SEMA3B: variants seen among roughly 807,000 people sequenced by gnomAD.
SEMA3B encodes semaphorin-3B.
Under a neutral mutation model 77.8 loss-of-function variants are expected in SEMA3B, and 71 were observed. The observed-to-expected ratio is 0.91, with a 90% confidence interval of 0.75 to 1.11. The LOEUF (loss-of-function observed/expected upper bound fraction) is 1.11, where lower values mean the gene tolerates loss of function less well. SEMA3B is among the 50% of genes most tolerant of loss of function. SEMA3B has a pLI of 0.00. For missense variants in SEMA3B, 968 were observed against 1,056.8 expected (o/e 0.92, Z 1.17); for synonymous variants, 470 against 452.9 (o/e 1.04, Z -0.48).
chr3:50,270,695 C>T lies in SEMA3B; in HGVS notation c.331-195C>T. On this transcript the variant is annotated intron_variant, in intron 3 of 16. Coordinates refer to ENST00000616701, the MANE Select transcript of SEMA3B (RefSeq NM_001290060.2). This position sits in a 1 kb window ranked among gnomAD's most constrained non-coding sequence, Gnocchi z 4.7. ...TGCCTCTGAGTCATGGGAGGCTTTG[C>T]AGGCCTGTGCTTCCCCAGACACCCA... The T allele has an allele frequency of 8.6e-7, 1 of 1,160,018 alleles. No homozygotes were observed. The highest frequency in any genetic ancestry group is 1.2e-6 in the Non-Finnish European group (1 of 835,134). The allele number at this position is 1,160,018 out of a possible 1,614,324, so 71.9% of individuals were successfully genotyped here.
At position 50,273,134 on chromosome 3, in the gene SEMA3B, C is replaced by T. The variant is rs1341172606; in HGVS notation, c.665-164C>T. 9 of 1,126,412 alleles carry T rather than the reference C, an allele frequency of 8.0e-6. No homozygotes were observed. In the East Asian group the frequency reaches 1.9e-4, roughly 23 times the overall value. 69.8% of individuals were successfully genotyped at this position (1,126,412 alleles called of 1,614,324 possible). A position where few individuals can be genotyped will look rare whatever the true frequency, so the allele number is the denominator to read the frequency against. ...CTCGCAGGCCCTGATCCTTTGGATT[C>T]GGTCCGCGCAGAGCGCCAACTGGAC... is the stretch of plus-strand genomic sequence containing the variant. On this transcript the variant is annotated intron_variant, in intron 6 of 16. Transcript: ENST00000616701. This position sits in a 1 kb window ranked among gnomAD's most constrained non-coding sequence, Gnocchi z 6.5.
chr3:50,274,304 C>A lies in SEMA3B; in HGVS notation c.1138-59C>A. ...GTTCCCAGAGGCTGGGCATGGAGGGCTGCCTATCAAGCCCCCATATCTATA... is the reference window on the plus strand; with the variant it reads ...GTTCCCAGAGGCTGGGCATGGAGGGATGCCTATCAAGCCCCCATATCTATA... On this transcript the variant is annotated intron_variant, in intron 10 of 16. Coordinates refer to ENST00000616701, the MANE Select transcript of SEMA3B (RefSeq NM_001290060.2). The surrounding 1 kb of genome is among the most constrained non-coding windows in gnomAD (Gnocchi z 4.7). 3 of 1,344,120 alleles carry A rather than the reference C, an allele frequency of 2.2e-6. No homozygotes were observed. The highest frequency in any genetic ancestry group is 3.0e-6 in the Non-Finnish European group (3 of 987,824). The allele number at this position is 1,344,120 out of a possible 1,614,324, so 83.3% of individuals were successfully genotyped here. A position where few individuals can be genotyped will look rare whatever the true frequency, so the allele number is the denominator to read the frequency against.
Position 50,275,839 on chromosome 3 carries a change from A to T in SEMA3B, c.1840A>T (p.Thr614Ser). 1 of 1,599,438 alleles carries T rather than the reference A, an allele frequency of 6.3e-7. No homozygotes were observed. The highest frequency in any genetic ancestry group is 1.1e-5 in the South Asian group (1 of 89,920). The change falls in exon 16 of 17, where the codon ACC (threonine) becomes TCC (serine). Residue 614 changes from threonine to serine, a missense_variant. Thr to Ser is a moderately conservative substitution (Grantham distance 58). Coordinates refer to ENST00000616701, the MANE Select transcript of SEMA3B (RefSeq NM_001290060.2). The surrounding 1 kb of genome is among the most constrained non-coding windows in gnomAD (Gnocchi z 7.5). ...TFQRAGVTAH[T>S]QVLAEERTER... ...CCAGCGCGCAGGGGTGACAGCCCAC[A>T]CCCAGGTGAGCCTTACTCCGCCCTC...
At position 50,270,189 on chromosome 3, in the gene SEMA3B, T is replaced by C; in HGVS notation, c.172T>C (p.Leu58=). The change falls in exon 2 of 17, where the codon TTG becomes CTG. Residue 58 remains leucine, a synonymous_variant. Coordinates refer to ENST00000616701, the MANE Select transcript of SEMA3B (RefSeq NM_001290060.2). The surrounding 1 kb of genome is among the most constrained non-coding windows in gnomAD (Gnocchi z 4.7). ...SLERTCCYQA[L]LVDEERGRLF... is the part of the protein sequence containing the mutation. ...GGAGCGAACCTGCTGCTACCAGGCCTTGCTGGTGGATGAGGAGCGTGGACG... is the reference window on the plus strand; with the variant it reads ...GGAGCGAACCTGCTGCTACCAGGCCCTGCTGGTGGATGAGGAGCGTGGACG... 6.2e-7 allele frequency: 1 copy of C among 1,600,382 alleles called. No homozygotes were observed. Among genetic ancestry groups the C allele is most frequent in the Non-Finnish European group, 8.5e-7 (1 of 1,174,394 alleles).
rs1293825924 is a variant in SEMA3B, at chr3:50,276,087, C to G, written c.1846-215C>G. 3 of 785,702 alleles carry G rather than the reference C, an allele frequency of 3.8e-6. No individual in the cohort carries two copies. The highest frequency in any genetic ancestry group is 3.9e-6 in the Non-Finnish European group (2 of 515,770). 48.7% of individuals were successfully genotyped at this position (785,702 alleles called of 1,614,324 possible). A position where few individuals can be genotyped will look rare whatever the true frequency, so the allele number is the denominator to read the frequency against. On this transcript the variant is annotated intron_variant, in intron 16 of 16. Coordinates refer to ENST00000616701, the MANE Select transcript of SEMA3B (RefSeq NM_001290060.2). This position sits in a 1 kb window ranked among gnomAD's most constrained non-coding sequence, Gnocchi z 5.8. Reference sequence around the variant, plus strand: ...CCCTCCCATTAAGGTCCCTGACCACCCCCCACCAAGTTCATGTAAACCCCG... The same window carrying G: ...CCCTCCCATTAAGGTCCCTGACCACGCCCCACCAAGTTCATGTAAACCCCG...
upstream of SEMA3B, among the ~76,000 whole-genome samples, chr3:50,266,026 C>A (rs117557334): frequency 6.6e-6 from 1 of 151,698 alleles, no homozygotes; most frequent in Non-Finnish European, 1.5e-5. Flanking sequence ...ATGGCGGTGG[C>A]GGGGGGGTTT....
rs782007810 is a variant in SEMA3B, at chr3:50,271,359, AG to A, written c.547del. 3.8e-6 allele frequency: 6 copies of A among 1,572,032 alleles called. No individual in the cohort carries two copies. Among genetic ancestry groups the A allele is most frequent in the Non-Finnish European group, 4.3e-6 (5 of 1,158,902 alleles). ...CCTGAGTGGCCCTTGCTCTGTCTGC[AG>A]GGGAGGAGCTATACTCAGGGGTGGC... On this transcript the variant is annotated splice_acceptor_variant, in intron 5 of 16. Transcript: ENST00000616701. LOFTEE classifies it high-confidence loss of function.
rs1418268526 is a variant in SEMA3B at position 50,270,167 on chromosome 3, G to A, written c.150G>A (p.Glu50=). 3.2e-6 allele frequency: 5 copies of A among 1,578,400 alleles called. No homozygotes were observed. The highest frequency in any genetic ancestry group is 4.3e-6 in the Non-Finnish European group (5 of 1,163,912). The change falls in exon 2 of 17, where the codon GAG becomes GAA. Residue 50 remains glutamate (E), a synonymous_variant. Transcript: ENST00000616701. This position sits in a 1 kb window ranked among gnomAD's most constrained non-coding sequence, Gnocchi z 4.7. ...AWHGLQTFSL[E]RTCCYQALLV... The stretch of plus-strand genomic sequence containing the variant: ...ATGGTCTCCAGACTTTCAGCCTGGA[G>A]CGAACCTGCTGCTACCAGGCCTTGC...
chr3:50,272,879 T>TAATAATAATAATAATAATAATA, intron 6 of SEMA3B, among the ~76,000 whole-genome samples: 1 of 150,070 alleles, frequency 6.7e-6, no homozygotes, highest in East Asian at 2.0e-4. Context: ...ATAATAATAA[T>TAATAATAATAATAATAATAATA]AAAGAGCAAT....
Position 50,269,324 on chromosome 3 carries a change from C to CTT in SEMA3B, c.84_85insTT (p.Pro29PhefsTer87). 6 of 1,516,834 alleles carry CTT rather than the reference C, an allele frequency of 4.0e-6. No individual in the cohort carries two copies. Among genetic ancestry groups the CTT allele is most frequent in the Admixed American group, 2.3e-5 (1 of 43,404 alleles). 94.0% of individuals were successfully genotyped at this position (1,516,834 alleles called of 1,614,324 possible). A position where few individuals can be genotyped will look rare whatever the true frequency, so the allele number is the denominator to read the frequency against. On this transcript the variant is annotated frameshift_variant, in exon 1 of 17. Coordinates refer to ENST00000616701, the MANE Select transcript of SEMA3B (RefSeq NM_001290060.2). LOFTEE classifies it high-confidence loss of function. This position sits in a 1 kb window ranked among gnomAD's most constrained non-coding sequence, Gnocchi z 4.0. ...GGCTGGGGAGTGCCGCCCCCAGCCCCCCACGCCTTCGGCTCTCCTTCCAAG... is the reference window on the plus strand; with the variant it reads ...GGCTGGGGAGTGCCGCCCCCAGCCCCTTCCACGCCTTCGGCTCTCCTTCCAAG...
At chr3:50,264,398 C>G (rs1553704246), upstream of SEMA3B, among the ~76,000 whole-genome samples, 1 of 152,180 alleles carries the variant, frequency 6.6e-6, no homozygotes, top group Non-Finnish European at 1.5e-5. Context: ...AGAGTGCATA[C>G]CTGTGGTACC....
At position 50,274,342 on chromosome 3, in the gene SEMA3B, C is replaced by T; in HGVS notation, c.1138-21C>T. On this transcript the variant is annotated intron_variant, in intron 10 of 16. Transcript: ENST00000616701. The surrounding 1 kb of genome is among the most constrained non-coding windows in gnomAD (Gnocchi z 4.7). ...CCCCATATCTATATCCCTGCTGTGC[C>T]TCCCTTTCCCCCACCCCCAGTGCCC... is the stretch of plus-strand genomic sequence containing the variant. The T allele has an allele frequency of 6.7e-7, 1 of 1,487,586 alleles. No homozygotes were observed. Among genetic ancestry groups the T allele is most frequent in the Non-Finnish European group, 9.0e-7 (1 of 1,116,014 alleles). 92.1% of individuals were successfully genotyped at this position (1,487,586 alleles called of 1,614,324 possible).
Position 50,274,832 on chromosome 3 carries a change from C to T in SEMA3B, c.1358-11C>T, listed in dbSNP as rs1553706184. The stretch of plus-strand genomic sequence containing the variant: ...AGCACCAATGGTCATTACCCCTTCT[C>T]ATCCCTGCAGACGTTGGCACGGTGC... On this transcript the variant is annotated splice_polypyrimidine_tract_variant and intron_variant, in intron 11 of 16. Transcript: ENST00000616701. The surrounding 1 kb of genome is among the most constrained non-coding windows in gnomAD (Gnocchi z 4.7). The T allele has an allele frequency of 1.9e-6, 3 of 1,610,012 alleles. No individual in the cohort carries two copies. The highest frequency in any genetic ancestry group is 4.5e-5 in the East Asian group (2 of 44,858).
At position 50,271,344 on chromosome 3, in the gene SEMA3B, C is replaced by T. The variant is rs1553705340; in HGVS notation, c.545-17C>T. On this transcript the variant is annotated splice_polypyrimidine_tract_variant and intron_variant, in intron 5 of 16. Transcript: ENST00000616701. ...AGAGCCCTCCATTTGCCTGAGTGGC[C>T]CTTGCTCTGTCTGCAGGGGAGGAGC... 3.2e-6 allele frequency: 5 copies of T among 1,561,678 alleles called. No individual in the cohort carries two copies. The South Asian group carries it at 5.9e-5, about 18-fold the overall frequency.
upstream of SEMA3B, among the ~76,000 whole-genome samples, chr3:50,265,175 TG>T (rs1700875923): frequency 1.3e-5 from 2 of 152,250 alleles, no homozygotes; most frequent in South Asian, 4.1e-4. Context: ...TTAGAGTGTC[TG>T]GGAAGTTAGG....
In SEMA3B at chr3:50,276,700, C is replaced by T. The variant is rs1701267564; in HGVS notation, c.2244C>T (p.His748=). ...RAERGPRSAT[H]W ...AGCGGGGGCCGCGCAGCGCAACGCA[C>T]TGGTGACCAGACTGTCCCCACGCCG... The change falls in exon 17 of 17, where the codon CAC becomes CAT. Residue 748 remains histidine (H), a synonymous_variant. Transcript: ENST00000616701. This position sits in a 1 kb window ranked among gnomAD's most constrained non-coding sequence, Gnocchi z 5.8. 2 of 1,524,646 alleles carry T rather than the reference C, an allele frequency of 1.3e-6. No individual in the cohort carries two copies. Among genetic ancestry groups the T allele is most frequent in the South Asian group, 1.3e-5 (1 of 79,708 alleles). 94.4% of individuals were successfully genotyped at this position (1,524,646 alleles called of 1,614,324 possible). A position where few individuals can be genotyped will look rare whatever the true frequency, so the allele number is the denominator to read the frequency against.
rs114043816 is a variant in SEMA3B at position 50,269,982 on chromosome 3, G to T, written c.110-145G>T. 6 of 862,322 alleles carry T rather than the reference G, an allele frequency of 7.0e-6. No individual in the cohort carries two copies. The highest frequency in any genetic ancestry group is 1.0e-5 in the Non-Finnish European group (6 of 595,582). 53.4% of individuals were successfully genotyped at this position (862,322 alleles called of 1,614,324 possible). A position where few individuals can be genotyped will look rare whatever the true frequency, so the allele number is the denominator to read the frequency against. ...TGCACCTGGGTGGGCTTGGGTTTGC[G>T]TGTGTAAACTCACACACATGTAAAC... On this transcript the variant is annotated intron_variant, in intron 1 of 16. Coordinates refer to ENST00000616701, the MANE Select transcript of SEMA3B (RefSeq NM_001290060.2). This position sits in a 1 kb window ranked among gnomAD's most constrained non-coding sequence, Gnocchi z 4.0.
chr3:50,263,554 C>T (rs1453239282), upstream of SEMA3B, among the ~76,000 whole-genome samples: 1 of 149,348 alleles, frequency 6.7e-6, no homozygotes, highest in Non-Finnish European at 1.5e-5. Flanking sequence ...CCTGTGAATG[C>T]CAAGCTAAAA....
Position 50,269,337 on chromosome 3 carries a change from C to T in SEMA3B, c.97C>T (p.Leu33Phe). The T allele has an allele frequency of 6.6e-7, 1 of 1,506,956 alleles. No homozygotes were observed. Among genetic ancestry groups the T allele is most frequent in the Non-Finnish European group, 8.8e-7 (1 of 1,132,024 alleles). The allele number at this position is 1,506,956 out of a possible 1,614,324, so 93.3% of individuals were successfully genotyped here. The stretch of plus-strand genomic sequence containing the variant: ...CGCCCCCAGCCCCCCACGCCTTCGG[C>T]TCTCCTTCCAAGGTAGGTGCACCTG... ...SAAPSPPRLRLSFQELQAWHG... is the reference protein window; with the variant it reads ...SAAPSPPRLRFSFQELQAWHG... The change falls in exon 1 of 17, where the codon CTC (leucine) becomes TTC (phenylalanine). Residue 33 changes from leucine to phenylalanine, a missense_variant. Coordinates refer to ENST00000616701, the MANE Select transcript of SEMA3B (RefSeq NM_001290060.2). This position sits in a 1 kb window ranked among gnomAD's most constrained non-coding sequence, Gnocchi z 4.0.
Sources: gnomAD v4.1 joint callset for allele counts (sites outside exome capture counted in the v4.1 genomes callset) on GRCh38, gnomAD v4.1.1 for gene constraint, Gnocchi (gnomAD v3.1) non-coding constraint, MANE v1.5 for transcripts, NCBI Gene and HGNC (gene_info 2026-07-23, HGNC 2026-07-21) for gene names.